The following ATP13A3 variants were observed in gnomAD, a reference collection of about 807,000 sequenced individuals.
The protein encoded by ATP13A3 is ATPase 13A3.
ATP13A3 carries 59 observed loss-of-function variants against 158.1 expected under a neutral mutation model. The observed-to-expected ratio is 0.37, with a 90% CI of 0.30 to 0.46. The LOEUF is 0.46. Ranked by LOEUF, ATP13A3 falls within the 20% of genes least tolerant of loss-of-function variation. ATP13A3 has a pLI of 1.00. For missense variants in ATP13A3, 1,166 were observed against 1,525.2 expected (o/e 0.76, Z 3.92); for synonymous variants, 491 against 504.3 (o/e 0.97, Z 0.35).
chr3:194,493,751 GT>G (rs1468277029), intron 2 of ATP13A3, among the ~76,000 whole-genome samples: 4 of 152,190 alleles, frequency 2.6e-5, no homozygotes, highest in South Asian at 2.1e-4. Flanking sequence ...CCTTATTCAT[GT>G]TTTTTTCCTA....
At chr3:194,410,191 G>A (rs1386388796) in intron 33 of ATP13A3, among the ~76,000 whole-genome samples, 1 of 148,494 alleles carries the variant, frequency 6.7e-6, no homozygotes, top group African/African-American at 2.5e-5. Context: ...CAAGCGTGGT[G>A]GCTCACGCCT....
intron 2 of ATP13A3, among the ~76,000 whole-genome samples, chr3:194,475,846 T>C (rs1447908782): frequency 6.6e-6 from 1 of 152,330 alleles, no homozygotes; most frequent in African/African-American, 2.4e-5. Context: ...TATCTACTCT[T>C]ACTTACCAGA....
At chr3:194,452,187 C>G (rs554375247) in intron 10 of ATP13A3, 19 of 152,330 alleles carry the variant, frequency 1.2e-4, no homozygotes, top group African/African-American at 3.9e-4. Flanking sequence ...GACACTGTTT[C>G]TACTAAAAAC....
At chr3:194,493,473 C>G (rs1285560577) in intron 2 of ATP13A3, among the ~76,000 whole-genome samples, 1 of 151,916 alleles carries the variant, frequency 6.6e-6, no homozygotes, top group African/African-American at 2.4e-5. Flanking sequence ...ATAATGAAAC[C>G]CCGTCTCTAC....
chr3:194,470,471 T>G (rs1202244718), intron 2 of ATP13A3, among the ~76,000 whole-genome samples: 1 of 152,134 alleles, frequency 6.6e-6, no homozygotes, highest in East Asian at 1.9e-4. Context: ...AATCAACCCT[T>G]TTATTCAGAG....
intron 33 of ATP13A3, among the ~76,000 whole-genome samples, chr3:194,407,579 G>A (rs531751486): frequency 1.3e-5 from 2 of 152,090 alleles, no homozygotes; most frequent in African/African-American, 2.4e-5. Flanking sequence ...GTGACTCACC[G>A]CTCTCAATGT....
chr3:194,438,166 TAA>T (rs1299853455), intron 17 of ATP13A3, among the ~76,000 whole-genome samples: 1 of 151,926 alleles, frequency 6.6e-6, no homozygotes, highest in Non-Finnish European at 1.5e-5. Context: ...GCTCAAAAAA[TAA>T]TAATAAACTC....
Position 194,410,937 on chromosome 3 carries a change from G to GGGGTGT in ATP13A3, c.3573+1261_3573+1262insACACCC, listed in dbSNP as rs1359615208. ...GGGGGTGGGAGGGTTGGGGTGTTGGGGTGTGTGTGTGTGTGTGTGTGTGTG... is the reference window on the plus strand; with the variant it reads ...GGGGGTGGGAGGGTTGGGGTGTTGGGGGGTGTGTGTGTGTGTGTGTGTGTGTGTGTG... On this transcript the variant is annotated intron_variant, in intron 33 of 33. Transcript: ENST00000645319. Among the ~76,000 whole-genome samples, 181 of 127,278 alleles carry GGGGTGT rather than the reference G, an allele frequency of 1.4e-3. 1 individual carries two copies. Among genetic ancestry groups the GGGGTGT allele is most frequent in the African/African-American group, 4.6e-3 (142 of 30,610 alleles). 83.5% of individuals were successfully genotyped at this position (127,278 alleles called of 152,430 possible).
chr3:194,426,926 T>C, intron 29 of ATP13A3, 149 bp downstream of exon 29: 1 of 735,142 alleles, frequency 1.4e-6, no homozygotes, highest in Non-Finnish European at 2.1e-6. Flanking sequence ...TCAAGTGATC[T>C]ACCTGCCTCG....
upstream of ATP13A3, chr3:194,487,837 C>T (rs1269363534): frequency 6.6e-6 from 1 of 152,404 alleles, no homozygotes; most frequent in Admixed American, 6.5e-5. Context: ...GACTGTTCTT[C>T]TTGCCGCTAC....
At chr3:194,485,056 CAA>C (rs202057558) in intron 2 of ATP13A3, among the ~76,000 whole-genome samples, 19,760 of 119,248 alleles carry the variant, frequency 0.17, 2,312 homozygotes, top group African/African-American at 0.36. Context: ...GATGCCATCT[CAA>C]AAAAAAAAAA....
chr3:194,415,661 C>CTGTTTTTTTTTTTTTTTTTTTTTTTTT (rs1208643552), intron 31 of ATP13A3, among the ~76,000 whole-genome samples: 1 of 90,928 alleles, frequency 1.1e-5, no homozygotes, highest in Admixed American at 1.2e-4. Flanking sequence ...ATACCACATT[C>CTGTTTTTTTTTTTTTTTTTTTTTTTTT]TTTTTTTTTT....
intron 2 of ATP13A3, among the ~76,000 whole-genome samples, chr3:194,465,522 C>T (rs1168737918): frequency 6.6e-6 from 1 of 152,138 alleles, no homozygotes; most frequent in East Asian, 1.9e-4. Flanking sequence ...TTTTACCAAC[C>T]ACAATGGAAA....
At chr3:194,484,971 C>T (rs572459378) in intron 2 of ATP13A3, among the ~76,000 whole-genome samples, 3 of 151,734 alleles carry the variant, frequency 2.0e-5, no homozygotes, top group South Asian at 2.1e-4. Flanking sequence ...ACAGGAGAAT[C>T]GCTGAAACCC....
chr3:194,452,077 A>G (rs545833761), intron 10 of ATP13A3: 1 of 152,464 alleles, frequency 6.6e-6, no homozygotes, highest in Admixed American at 6.5e-5. Context: ...AATGGTGGCT[A>G]TGCATGGTGG....
At chr3:194,432,178 T>C (rs1478815300) in intron 21 of ATP13A3, among the ~76,000 whole-genome samples, 1 of 152,234 alleles carries the variant, frequency 6.6e-6, no homozygotes, top group Non-Finnish European at 1.5e-5. Context: ...TATTTGTATC[T>C]ACACAATACC....
chr3:194,416,634 A>G (rs1404264012), intron 31 of ATP13A3, among the ~76,000 whole-genome samples: 2 of 152,208 alleles, frequency 1.3e-5, no homozygotes, highest in Non-Finnish European at 2.9e-5. Context: ...CAAGGATATC[A>G]CTATCACTAT....
In ATP13A3 at chr3:194,402,915, A is replaced by G. The variant is rs1714711640; in HGVS notation, c.*3004T>C. 6.6e-6 allele frequency: 1 copy of G among 152,224 alleles called. No individual in the cohort carries two copies. The highest frequency in any genetic ancestry group is 2.1e-4 in the South Asian group (1 of 4,836). 9.4% of individuals were successfully genotyped at this position (152,224 alleles called of 1,614,324 possible). The stretch of plus-strand genomic sequence containing the variant: ...ATCATAACTAGAAGTAACTTTTATT[A>G]ATTTAATGTACACATAATTACCAAA... On this transcript the variant is annotated 3_prime_UTR_variant, in exon 34 of 34. Coordinates refer to ENST00000645319, the MANE Select transcript of ATP13A3 (RefSeq NM_001367549.1).
chr3:194,403,038 C>T lies in ATP13A3; in HGVS notation c.*2881G>A, dbSNP rs1489241519. 1 of 152,156 alleles carries T rather than the reference C, an allele frequency of 6.6e-6. No homozygotes were observed. Among genetic ancestry groups the T allele is most frequent in the Admixed American group, 6.5e-5 (1 of 15,278 alleles). The allele number at this position is 152,156 out of a possible 1,614,324, so 9.4% of individuals were successfully genotyped here. A position where few individuals can be genotyped will look rare whatever the true frequency, so the allele number is the denominator to read the frequency against. On this transcript the variant is annotated 3_prime_UTR_variant, in exon 34 of 34. Coordinates refer to ENST00000645319, the MANE Select transcript of ATP13A3 (RefSeq NM_001367549.1). The stretch of plus-strand genomic sequence containing the variant: ...CCAACCACCTCCCACCATAAATATA[C>T]AAAAACCTATTTTTAGATATGTCAA...
Sources: allele counts gnomAD v4.1 joint callset (sites outside exome capture counted in the v4.1 genomes callset), GRCh38; gene constraint gnomAD v4.1.1; transcripts MANE v1.5; gene names NCBI Gene and HGNC (gene_info 2026-07-23, HGNC 2026-07-21).